DMD: variants seen among roughly 807,000 people sequenced by gnomAD.
DMD encodes dystrophin, also known as mutant dystrophin.
A neutral mutation model predicts 330.1 loss-of-function variants in DMD; 63 were observed. The observed-to-expected ratio is 0.19, with a 90% CI of 0.16 to 0.24. The LOEUF is 0.24. Among genes scored for constraint, DMD ranks in the 10% least tolerant of loss-of-function variants. The pLI is 1.00. For missense variants in DMD, 3,344 were observed against 2,684.1 expected, an observed-to-expected ratio of 1.25 and a Z score of -5.43; for synonymous variants, 1,223 against 959.8, an observed-to-expected ratio of 1.27 and a Z score of -5.07.
chrX:31,695,020 A>ACTGT (rs1003399631), intron 52 of DMD, among the ~76,000 whole-genome samples: 1 of 111,191 alleles, frequency 9.0e-6, no homozygotes, highest in Admixed American at 9.6e-5. Context: ...AAGCAAGCTA[A>ACTGT]CTGTCCATCA....
At chrX:32,668,310 C>T (rs1406877240) in intron 9 of DMD, among the ~76,000 whole-genome samples, 1 of 112,085 alleles carries the variant, frequency 8.9e-6, no homozygotes, top group Non-Finnish European at 1.9e-5. Context: ...CTCATATGTC[C>T]CTATGCCTAT....
intron 2 of DMD, among the ~76,000 whole-genome samples, chrX:32,954,090 T>C (rs756369290): frequency 2.7e-5 from 3 of 112,314 alleles, no homozygotes; most frequent in Admixed American, 9.4e-5. Context: ...GAATCAAGCT[T>C]ACTATAATTT....
intron 2 of DMD, among the ~76,000 whole-genome samples, chrX:32,888,121 T>A (rs1296305591): frequency 2.7e-5 from 3 of 111,079 alleles, no homozygotes; most frequent in African/African-American, 3.3e-5. Flanking sequence ...CAGTGGCAAC[T>A]GTGATTAAGG....
chrX:31,904,712 CA>C (rs2094458788), intron 47 of DMD, among the ~76,000 whole-genome samples: 2 of 111,236 alleles, frequency 1.8e-5, no homozygotes, highest in Non-Finnish European at 1.9e-5. Context: ...CAGGTCCTTC[CA>C]AGGCAAGCTT....
At chrX:32,108,609 G>T (rs535033617) in intron 44 of DMD, among the ~76,000 whole-genome samples, 1 of 111,606 alleles carries the variant, frequency 9.0e-6, no homozygotes, top group Non-Finnish European at 1.9e-5. Context: ...CCATTTTCAT[G>T]GAACCAAGGA....
intron 12 of DMD, among the ~76,000 whole-genome samples, chrX:32,602,745 C>T (rs1242852876): frequency 9.0e-6 from 1 of 111,116 alleles, no homozygotes; most frequent in African/African-American, 3.3e-5. Flanking sequence ...AGTCTCTGTA[C>T]CTTCTATCTA....
At chrX:33,193,338 T>C (rs1210579462) in intron 1 of DMD, among the ~76,000 whole-genome samples, 1 of 112,095 alleles carries the variant, frequency 8.9e-6, no homozygotes, top group Non-Finnish European at 1.9e-5. Flanking sequence ...CTCTCTTATG[T>C]ACAAATTTCT....
chrX:32,621,738 G>C (rs1009284483), intron 11 of DMD, among the ~76,000 whole-genome samples: 21 of 110,704 alleles, frequency 1.9e-4, no homozygotes, highest in Non-Finnish European at 5.7e-5. Context: ...TTAATGACTG[G>C]TACAGTCACA....
intron 17 of DMD, among the ~76,000 whole-genome samples, chrX:32,530,763 G>T (rs992938948): frequency 8.9e-6 from 1 of 111,770 alleles, no homozygotes; most frequent in Non-Finnish European, 1.9e-5. Flanking sequence ...TCAATAAATT[G>T]AAAGTCCCTT....
At chrX:31,740,699 C>G (rs2087263396) in intron 51 of DMD, among the ~76,000 whole-genome samples, 1 of 112,152 alleles carries the variant, frequency 8.9e-6, no homozygotes, top group Non-Finnish European at 1.9e-5. Flanking sequence ...GAGTCATAAT[C>G]TTTTTGCTGG....
chrX:32,483,971 A>G (rs2042180263), intron 21 of DMD, among the ~76,000 whole-genome samples: 1 of 110,898 alleles, frequency 9.0e-6, no homozygotes, highest in African/African-American at 3.3e-5. Context: ...TTCTTTAAAT[A>G]TTTACAAAGA....
intron 54 of DMD, among the ~76,000 whole-genome samples, chrX:31,629,688 A>T (rs2079036526): frequency 9.0e-6 from 1 of 111,584 alleles, no homozygotes; most frequent in South Asian, 3.8e-4. Context: ...TTTATGTATC[A>T]TGCTTGAAAA....
At chrX:33,292,898 TC>T (rs2053532689) in intron 1 of DMD, among the ~76,000 whole-genome samples, 2 of 110,518 alleles carry the variant, frequency 1.8e-5, no homozygotes, top group African/African-American at 6.6e-5. Flanking sequence ...TTTTTCTGCT[TC>T]TCTTTTTTTA....
At chrX:32,877,037 G>A (rs1377393549) in intron 2 of DMD, among the ~76,000 whole-genome samples, 1 of 107,809 alleles carries the variant, frequency 9.3e-6, no homozygotes, top group Non-Finnish European at 1.9e-5. Flanking sequence ...TAGACACAAA[G>A]GGGTGCCAGT....
At chrX:31,487,690 A>C (rs2068927340) in intron 57 of DMD, among the ~76,000 whole-genome samples, 1 of 111,640 alleles carries the variant, frequency 9.0e-6, no homozygotes. Flanking sequence ...CTAAATAATC[A>C]TCTAAATAAG....
rs757620986 is a variant in DMD, at chrX:32,888,761, G to A, written c.94-38941C>T. Reference sequence around the variant, plus strand: ...TAGACAAGATATGGAATCAACCTAAGTAACCATCAACAGATGAACGGATTC... The same window carrying A: ...TAGACAAGATATGGAATCAACCTAAATAACCATCAACAGATGAACGGATTC... On this transcript the variant is annotated intron_variant, in intron 2 of 78. Transcript: ENST00000357033. Among the ~76,000 whole-genome samples, 4 of 111,746 alleles carry A rather than the reference G, an allele frequency of 3.6e-5. No individual in the cohort carries two copies. The South Asian group carries it at 1.5e-3, about 42-fold the overall frequency.
At chrX:33,152,591 A>C (rs1428235172) in intron 1 of DMD, among the ~76,000 whole-genome samples, 1 of 110,199 alleles carries the variant, frequency 9.1e-6, no homozygotes, top group African/African-American at 3.3e-5. Flanking sequence ...GCGTGTATTA[A>C]AGTGTGTGGA....
At chrX:32,388,161 C>T (rs1012401157) in intron 32 of DMD, among the ~76,000 whole-genome samples, 1 of 110,938 alleles carries the variant, frequency 9.0e-6, no homozygotes, top group Non-Finnish European at 1.9e-5. Context: ...TGAGCAGTTT[C>T]CTTTGTACTG....
At chrX:32,012,990 C>A (rs1245568527) in intron 44 of DMD, among the ~76,000 whole-genome samples, 1 of 110,473 alleles carries the variant, frequency 9.1e-6, no homozygotes, top group Non-Finnish European at 1.9e-5. Flanking sequence ...TCCCTAACAT[C>A]AGCCTGATCC....
Sources: allele counts gnomAD v4.1 joint callset (sites outside exome capture counted in the v4.1 genomes callset), GRCh38; gene constraint gnomAD v4.1.1; transcripts MANE v1.5; gene names NCBI Gene and HGNC (gene_info 2026-07-23, HGNC 2026-07-21).